The following OGFOD3 variants were observed in gnomAD, a reference collection of about 807,000 sequenced individuals.
The protein encoded by OGFOD3 is 2-oxoglutarate and iron-dependent oxygenase domain-containing protein 3.
Under a neutral mutation model 39.8 loss-of-function variants are expected in OGFOD3, and 35 were observed. That is an observed-to-expected ratio of 0.88 (90% CI 0.67 to 1.17). The LOEUF is 1.17. OGFOD3 is among the 50% of genes most tolerant of loss of function. The pLI, the probability that OGFOD3 is intolerant of heterozygous loss-of-function variation, is 0.00. For synonymous variants in OGFOD3, 200 were observed against 192.0 expected (o/e 1.04, Z -0.34); for missense variants, 438 against 454.5 (o/e 0.96, Z 0.33).
At chr17:82,397,401 C>T (rs868798546) in intron 8 of OGFOD3, among the ~76,000 whole-genome samples, 1 of 6,392 alleles carries the variant, frequency 1.6e-4, no homozygotes, top group South Asian at 3.8e-3. Flanking sequence ...GGTGAGGCAG[C>T]GGGGGGGGGG....
intron 2 of OGFOD3, chr17:82,411,831 T>C (rs1045652186): frequency 7.4e-6 from 3 of 404,822 alleles, no homozygotes; most frequent in African/African-American, 6.3e-5. Flanking sequence ...TCCTGAACCA[T>C]CACTGACTGC....
chr17:82,407,543 C>G (rs1026279152), intron 4 of OGFOD3, among the ~76,000 whole-genome samples: 1 of 152,220 alleles, frequency 6.6e-6, no homozygotes, highest in African/African-American at 2.4e-5. Context: ...TCCTGCCCGA[C>G]CACCCACCTC....
At chr17:82,398,147 C>G (rs1447540143) in intron 8 of OGFOD3, 49 bp downstream of exon 8, 1 of 1,611,260 alleles carries the variant, frequency 6.2e-7, no homozygotes, top group African/African-American at 1.3e-5. Context: ...ACCCACCGTG[C>G]TTGCCTGAGC....
At chr17:82,403,772 GCCC>G in intron 7 of OGFOD3, 162 bp downstream of exon 7, 2 of 880,932 alleles carry the variant, frequency 2.3e-6, no homozygotes, top group Non-Finnish European at 3.5e-6. Context: ...CGCTCACCCT[GCCC>G]ACGTGCGTAC....
chr17:82,410,336 G>A (rs2143273956), intron 3 of OGFOD3, among the ~76,000 whole-genome samples: 1 of 152,370 alleles, frequency 6.6e-6, no homozygotes, highest in East Asian at 1.9e-4. Context: ...GTGGCCCAGG[G>A]CTGCACACCA....
At position 82,406,536 on chromosome 17, in the gene OGFOD3, T is replaced by C; in HGVS notation, c.424-54A>G. ...GCAGCCGCAGCAATGGCAATGGCTG[T>C]TAAAAGTCATGGATGGTAAATGCGA... On this transcript the variant is annotated intron_variant, in intron 4 of 8. Transcript: ENST00000313056. The surrounding 1 kb of genome is among the most constrained non-coding windows in gnomAD (Gnocchi z 5.2). 2 of 1,442,380 alleles carry C rather than the reference T, an allele frequency of 1.4e-6. No homozygotes were observed. The highest frequency in any genetic ancestry group is 2.0e-6 in the Non-Finnish European group (2 of 1,024,000). The allele number at this position is 1,442,380 out of a possible 1,614,324, so 89.3% of individuals were successfully genotyped here. A position where few individuals can be genotyped will look rare whatever the true frequency, so the allele number is the denominator to read the frequency against.
intron 6 of OGFOD3, 80 bp downstream of exon 6, chr17:82,405,244 C>T: frequency 7.7e-7 from 1 of 1,294,294 alleles, no homozygotes; most frequent in Non-Finnish European, 1.1e-6. Flanking sequence ...TGGGGCCTCC[C>T]CGGACCGGCC....
In OGFOD3 at chr17:82,392,871, C is replaced by T. The variant is rs1437207731; in HGVS notation, c.824-337G>A. ...CTCCCGAGCTCCGGGCATTTGATCT[C>T]CTCAGCTCTCATGGGCCTTCCAGAT... is the stretch of plus-strand genomic sequence containing the variant. On this transcript the variant is annotated intron_variant, in intron 8 of 8. Transcript: ENST00000313056. This position sits in a 1 kb window ranked among gnomAD's most constrained non-coding sequence, Gnocchi z 4.2. 2 of 278,822 alleles carry T rather than the reference C, an allele frequency of 7.2e-6. No homozygotes were observed. Among genetic ancestry groups the T allele is most frequent in the African/African-American group, 4.4e-5 (2 of 45,634 alleles). The allele number at this position is 278,822 out of a possible 1,614,324, so 17.3% of individuals were successfully genotyped here.
rs1461758294 is a variant in OGFOD3, at chr17:82,400,402, G to A, written c.700-2083C>T. 1.3e-5 allele frequency among the ~76,000 whole-genome samples: 2 copies of A among 152,206 alleles called. 1 individual carries two copies. Among genetic ancestry groups the A allele is most frequent in the African/African-American group, 4.8e-5 (2 of 41,448 alleles). On this transcript the variant is annotated intron_variant, in intron 7 of 8. Transcript: ENST00000313056. ...AGCAAAGCCGCGTGCGGACTGCACT[G>A]CCTTCTGTAAAAAGGAAACCATACC... is the stretch of plus-strand genomic sequence containing the variant.
intron 8 of OGFOD3, among the ~76,000 whole-genome samples, chr17:82,395,017 G>A (rs1442656809): frequency 6.6e-6 from 1 of 152,200 alleles, no homozygotes; most frequent in East Asian, 1.9e-4. Flanking sequence ...CCCCTTGCTG[G>A]ATTGTTTTTT....
chr17:82,412,549 A>G (rs117178290), intron 2 of OGFOD3, among the ~76,000 whole-genome samples: 3,831 of 117,000 alleles, frequency 0.033, 261 homozygotes, highest in African/African-American at 0.041. Flanking sequence ...GGCAGAGGAA[A>G]GGTGGACAGG....
chr17:82,395,599 A>G (rs935087486), intron 8 of OGFOD3, among the ~76,000 whole-genome samples: 2 of 152,202 alleles, frequency 1.3e-5, no homozygotes, highest in Admixed American at 6.5e-5. Context: ...AGGCGGGTGG[A>G]TCACGAGGTC....
chr17:82,392,305 G>T lies in OGFOD3; in HGVS notation c.*93C>A. 1 of 1,378,454 alleles carries T rather than the reference G, an allele frequency of 7.3e-7. No individual in the cohort carries two copies. Among genetic ancestry groups the T allele is most frequent in the Non-Finnish European group, 9.9e-7 (1 of 1,007,612 alleles). 85.4% of individuals were successfully genotyped at this position (1,378,454 alleles called of 1,614,324 possible). A position where few individuals can be genotyped will look rare whatever the true frequency, so the allele number is the denominator to read the frequency against. ...TCAGAGAATTCCTAAGGCACTCTGT[G>T]CAACAGGAGCGGGTGGACGTGGGGG... On this transcript the variant is annotated 3_prime_UTR_variant, in exon 9 of 9. Transcript: ENST00000313056. This position sits in a 1 kb window ranked among gnomAD's most constrained non-coding sequence, Gnocchi z 4.2.
In OGFOD3 at chr17:82,409,333, TA is replaced by T. The variant is rs769803318; in HGVS notation, c.423+34del. On this transcript the variant is annotated intron_variant, in intron 4 of 8. Coordinates refer to ENST00000313056, the MANE Select transcript of OGFOD3 (RefSeq NM_024648.3). The stretch of plus-strand genomic sequence containing the variant: ...TCCAAGTGAGAGCAAAGTTAACGGG[TA>T]AAAAAAGGGGGGCAGGGACTACATT... 1.4e-5 allele frequency: 23 copies of T among 1,607,854 alleles called. No individual in the cohort carries two copies. The Admixed American group carries it at 1.5e-4, about 10-fold the overall frequency.
At chr17:82,405,496 C>T (rs2052841165) in intron 5 of OGFOD3, 116 bp from the exon 6 acceptor site, 18 of 859,876 alleles carry the variant, frequency 2.1e-5, no homozygotes, top group South Asian at 2.1e-4. Flanking sequence ...TTCAGAGCAA[C>T]TCCATTTCCA....
chr17:82,416,728 T>C (rs542631555), intron 1 of OGFOD3, among the ~76,000 whole-genome samples: 2 of 152,236 alleles, frequency 1.3e-5, no homozygotes, highest in South Asian at 4.1e-4. Context: ...TGGAGTGCAA[T>C]GGCACGATCT....
intron 7 of OGFOD3, among the ~76,000 whole-genome samples, chr17:82,402,847 G>C (rs983949211): frequency 3.9e-5 from 6 of 152,188 alleles, no homozygotes; most frequent in African/African-American, 1.4e-4. Context: ...TTCAGCCCAG[G>C]AGGTCAGGCC....
At chr17:82,416,655 AT>A (rs944832647) in intron 1 of OGFOD3, among the ~76,000 whole-genome samples, 6 of 145,002 alleles carry the variant, frequency 4.1e-5, no homozygotes, top group South Asian at 2.2e-4. Flanking sequence ...TATTTCTTTT[AT>A]TTTTTTATTT....
rs1165001357 is a variant in OGFOD3, at chr17:82,405,306, C to T, written c.545+18G>A. The T allele has an allele frequency of 5.6e-6, 9 of 1,612,352 alleles. No individual in the cohort carries two copies. Among genetic ancestry groups the T allele is most frequent in the South Asian group, 3.3e-5 (3 of 90,996 alleles). On this transcript the variant is annotated intron_variant, in intron 6 of 8. Transcript: ENST00000313056. ...GCCACCCCGCCTGCGAACCCCCACCCGCCTCACTCCTCCTTACCGGTATAA... is the reference window on the plus strand; with the variant it reads ...GCCACCCCGCCTGCGAACCCCCACCTGCCTCACTCCTCCTTACCGGTATAA...
Sources: gnomAD v4.1 joint callset for allele counts (sites outside exome capture counted in the v4.1 genomes callset) on GRCh38, gnomAD v4.1.1 for gene constraint, Gnocchi (gnomAD v3.1) non-coding constraint, MANE v1.5 for transcripts, NCBI Gene and HGNC (gene_info 2026-07-23, HGNC 2026-07-21) for gene names.